KDM5B: variants seen among roughly 807,000 people sequenced by gnomAD.
KDM5B encodes the protein lysine demethylase 5B.
In KDM5B, 144 loss-of-function variants were observed where a neutral mutation model predicts 193.4. That is an observed-to-expected ratio of 0.74 (90% CI 0.65 to 0.86). The LOEUF (loss-of-function observed/expected upper bound fraction) is 0.86, where lower values mean the gene tolerates loss of function less well. KDM5B is among the 40% of genes least tolerant of loss of function. The probability of loss-of-function intolerance (pLI) is 0.00; values close to 1 mark genes in which losing one functional copy is unlikely to be tolerated. For synonymous variants in KDM5B, 668 were observed against 682.6 expected (o/e 0.98, Z 0.33); for missense variants, 1,833 against 1,886.9 (o/e 0.97, Z 0.53).
intron 12 of KDM5B, among the ~76,000 whole-genome samples, chr1:202,751,715 A>G (rs1437130470): frequency 1.3e-5 from 2 of 152,198 alleles, no homozygotes; most frequent in African/African-American, 2.4e-5. Flanking sequence ...ATCTGTATAA[A>G]CATTATCTTT....
At chr1:202,801,846 C>T (rs1183422039) in intron 1 of KDM5B, among the ~76,000 whole-genome samples, 1 of 152,088 alleles carries the variant, frequency 6.6e-6, no homozygotes, top group Non-Finnish European at 1.5e-5. Flanking sequence ...ATATGGCTTT[C>T]CCAAGGTATC....
At chr1:202,729,345 G>A (rs1396876927) in intron 26 of KDM5B, 172 bp from the exon 27 acceptor site, 4 of 689,378 alleles carry the variant, frequency 5.8e-6, no homozygotes, top group African/African-American at 5.4e-5. Context: ...CCTAGCCAAA[G>A]CAACCGAGTC....
intron 26 of KDM5B, 133 bp from the exon 27 acceptor site, chr1:202,729,306 C>G (rs1226899300): frequency 2.1e-5 from 19 of 926,418 alleles, no homozygotes; most frequent in Admixed American, 8.7e-5. Context: ...TCTGGCACAA[C>G]AGCTAAGCCA....
chr1:202,804,470 G>C (rs769681570), intron 1 of KDM5B, among the ~76,000 whole-genome samples: 2 of 152,112 alleles, frequency 1.3e-5, no homozygotes, highest in Non-Finnish European at 2.9e-5. Context: ...GAGTAAATGA[G>C]CTCCATATCA....
intron 9 of KDM5B, among the ~76,000 whole-genome samples, chr1:202,757,889 C>T (rs1421807532): frequency 1.3e-5 from 2 of 152,170 alleles, no homozygotes; most frequent in African/African-American, 2.4e-5. Context: ...TAAAGCATTA[C>T]ATTTTGGTGT....
At chr1:202,787,429 T>C (rs1331149344) in intron 1 of KDM5B, among the ~76,000 whole-genome samples, 3 of 152,250 alleles carry the variant, frequency 2.0e-5, no homozygotes, top group Non-Finnish European at 4.4e-5. Context: ...ATAGATTTTT[T>C]ATCACATTAG....
chr1:202,760,328 T>A (rs1327157086), intron 8 of KDM5B, 87 bp downstream of exon 8: 2 of 927,216 alleles, frequency 2.2e-6, no homozygotes, highest in Admixed American at 3.2e-5. Context: ...AAAAATAAAA[T>A]AAAATAAAAT....
Position 202,793,858 on chromosome 1 carries a change from T to C in KDM5B, c.204+14244A>G, listed in dbSNP as rs1657736110. On this transcript the variant is annotated intron_variant, in intron 1 of 26. Coordinates refer to ENST00000367265, the MANE Select transcript of KDM5B (RefSeq NM_006618.5). ...CCACAAGGTTACCAGAGAAAAACAG[T>C]AGTTATAGAGGAACCCAGAAGAGTG... 3.9e-5 allele frequency among the ~76,000 whole-genome samples: 6 copies of C among 152,228 alleles called. No individual in the cohort carries two copies. The South Asian group carries it at 1.2e-3, about 32-fold the overall frequency.
intron 1 of KDM5B, among the ~76,000 whole-genome samples, chr1:202,786,994 T>C (rs1208101484): frequency 1.3e-5 from 2 of 152,174 alleles, no homozygotes; most frequent in Non-Finnish European, 1.5e-5. Flanking sequence ...CTGAGTCATG[T>C]CTTTGCAGAA....
chr1:202,725,167 ATC>A lies in KDM5B; in HGVS notation c.*3867_*3868del, dbSNP rs1227778014. ...CAGAACACAAACAGGGAGCTGGATT[ATC>A]TGTTCTGTTGTTGACTGGTTTTAAA... is the stretch of plus-strand genomic sequence containing the variant. On this transcript the variant is annotated 3_prime_UTR_variant, in exon 27 of 27. Transcript: ENST00000367265. The A allele has an allele frequency of 1.3e-5, 2 of 152,338 alleles. No homozygotes were observed. Among genetic ancestry groups the A allele is most frequent in the Non-Finnish European group, 2.9e-5 (2 of 68,024 alleles). 9.4% of individuals were successfully genotyped at this position (152,338 alleles called of 1,614,324 possible).
intron 1 of KDM5B, among the ~76,000 whole-genome samples, chr1:202,784,132 A>T (rs1254481754): frequency 3.9e-5 from 6 of 152,246 alleles, no homozygotes; most frequent in Admixed American, 3.9e-4. Context: ...AAAAAATGCC[A>T]GGAAAATTCA....
intron 1 of KDM5B, among the ~76,000 whole-genome samples, chr1:202,777,396 T>C (rs188185816): frequency 2.6e-5 from 4 of 151,594 alleles, no homozygotes; most frequent in African/African-American, 9.7e-5. Flanking sequence ...AAAGACACTT[T>C]GACTTCTGTA....
intron 22 of KDM5B, among the ~76,000 whole-genome samples, chr1:202,734,206 C>T (rs1655008018): frequency 6.6e-6 from 1 of 150,840 alleles, no homozygotes; most frequent in Non-Finnish European, 1.5e-5. Flanking sequence ...AAACCATTTC[C>T]AATCACCACA....
At chr1:202,762,843 T>G (rs1656307885) in intron 6 of KDM5B, 35 bp from the exon 7 acceptor site, 1 of 1,089,154 alleles carries the variant, frequency 9.2e-7, no homozygotes, top group Non-Finnish European at 1.4e-6. Context: ...CTCTTTATGA[T>G]GCTTTTCTCC....
intron 20 of KDM5B, 60 bp downstream of exon 20, chr1:202,740,614 C>G (rs560512505): frequency 2.3e-5 from 34 of 1,493,962 alleles, no homozygotes; most frequent in Non-Finnish European, 3.1e-5. Context: ...CCGGACGGGG[C>G]GCCAATATTG....
chr1:202,805,908 C>T (rs2102356211), intron 1 of KDM5B, among the ~76,000 whole-genome samples: 1 of 152,170 alleles, frequency 6.6e-6, no homozygotes, highest in Non-Finnish European at 1.5e-5. Context: ...AGCAAGTCCC[C>T]TCCACACAAA....
At chr1:202,742,841 CATT>C in intron 16 of KDM5B, 36 bp from the exon 17 acceptor site, 1 of 1,588,948 alleles carries the variant, frequency 6.3e-7, no homozygotes, top group Non-Finnish European at 8.6e-7. Flanking sequence ...TTTCTGTAAT[CATT>C]ATGTTTATTA....
intron 3 of KDM5B, among the ~76,000 whole-genome samples, chr1:202,773,841 G>T (rs528013839): frequency 6.6e-6 from 1 of 151,674 alleles, no homozygotes; most frequent in African/African-American, 2.4e-5. Context: ...GGATTCAGGC[G>T]ATTTTCCTGC....
At chr1:202,748,804 G>A (rs991363014) in intron 14 of KDM5B, 141 bp downstream of exon 14, 5 of 589,960 alleles carry the variant, frequency 8.5e-6, no homozygotes, top group East Asian at 3.0e-5. Flanking sequence ...TTAAAACCAC[G>A]AGATACTACT....
Sources: allele counts gnomAD v4.1 joint callset (sites outside exome capture counted in the v4.1 genomes callset), GRCh38; gene constraint gnomAD v4.1.1; transcripts MANE v1.5; gene names NCBI Gene and HGNC (gene_info 2026-07-23, HGNC 2026-07-21).